CHAT: variants seen among roughly 807,000 people sequenced by gnomAD.
The protein encoded by CHAT is acetyl CoA:choline O-acetyltransferase.
CHAT carries 61 observed loss-of-function variants against 76.9 expected under a neutral mutation model. The ratio of observed to expected loss-of-function variants is 0.79; its 90% CI spans 0.65 to 0.98. The LOEUF is 0.98. CHAT is among the 50% of genes least tolerant of loss of function. The pLI is 0.00. For missense variants in CHAT, 946 were observed against 986.9 expected, an observed-to-expected ratio of 0.96 and a Z score of 0.56; for synonymous variants, 407 against 397.4, an observed-to-expected ratio of 1.02 and a Z score of -0.29.
At chr10:49,609,485 G>A (rs1838232718), upstream of CHAT, among the ~76,000 whole-genome samples, 1 of 152,020 alleles carries the variant, frequency 6.6e-6, no homozygotes, top group African/African-American at 2.4e-5. Flanking sequence ...GAGAGAAGAG[G>A]CGGAGCTGGG....
intron 7 of CHAT, among the ~76,000 whole-genome samples, chr10:49,645,851 C>T (rs1356975579): frequency 6.6e-6 from 1 of 152,188 alleles, no homozygotes; most frequent in Admixed American, 6.5e-5. Context: ...AGGCTTGGAG[C>T]TCCTTTGGAT....
intron 14 of CHAT, 85 bp downstream of exon 14, chr10:49,662,867 A>G: frequency 6.6e-7 from 1 of 1,525,820 alleles, no homozygotes; most frequent in Non-Finnish European, 9.1e-7. Context: ...ACTAGCTGGA[A>G]TCAGGCAAAT....
upstream of CHAT, among the ~76,000 whole-genome samples, chr10:49,609,360 G>A (rs1419120874): frequency 1.3e-5 from 2 of 152,286 alleles, no homozygotes; most frequent in East Asian, 3.9e-4. Flanking sequence ...GGAAAATGAG[G>A]GATGGGGGAG....
At chr10:49,623,348 G>A (rs1197500615) in intron 5 of CHAT, among the ~76,000 whole-genome samples, 1 of 152,134 alleles carries the variant, frequency 6.6e-6, no homozygotes, top group Non-Finnish European at 1.5e-5. Flanking sequence ...GAATACCCAT[G>A]CATATCCACG....
rs114172912 is a variant in CHAT at position 49,643,098 on chromosome 10, G to A, written c.1112-3407G>A. On this transcript the variant is annotated intron_variant, in intron 7 of 14. Coordinates refer to ENST00000337653, the MANE Select transcript of CHAT (RefSeq NM_020549.5). Reference sequence around the variant, plus strand: ...AGAGAAACCTTGTAAATGGCCTAAGGTCAAGATATTTGGTTTCTCTGGTCC... The same window carrying A: ...AGAGAAACCTTGTAAATGGCCTAAGATCAAGATATTTGGTTTCTCTGGTCC... Among the ~76,000 whole-genome samples, 295 of 152,306 alleles carry A rather than the reference G, an allele frequency of 1.9e-3. 1 individual carries two copies. The highest frequency in any genetic ancestry group is 6.8e-3 in the African/African-American group (284 of 41,556).
chr10:49,638,236 T>G (rs1014671148), intron 7 of CHAT, among the ~76,000 whole-genome samples: 4 of 152,258 alleles, frequency 2.6e-5, no homozygotes, highest in Non-Finnish European at 2.9e-5. Context: ...GTACTTTACC[T>G]GACATTAAGA....
At chr10:49,652,064 G>T in intron 11 of CHAT, 58 bp downstream of exon 11, 1 of 1,612,364 alleles carries the variant, frequency 6.2e-7, no homozygotes, top group East Asian at 2.2e-5. Flanking sequence ...AGTGCTGTAG[G>T]ATCTAGGGTC....
rs111795945 is a variant in CHAT, at chr10:49,655,415, T to C, written c.1806T>C (p.Asp602=). 6.2e-7 allele frequency: 1 copy of C among 1,614,134 alleles called. No individual in the cohort carries two copies. ...PASEKLLLLK[D]AIRAQTAYTV... is the part of the protein sequence containing the mutation. ...CTGAGAAGCTTCTGCTCCTGAAGGA[T>C]GCCATCCGTGCCCAGACTGCATACA... Residue 602 remains aspartate (D), a synonymous_variant, in exon 13 of 15, where the codon GAT becomes GAC. Coordinates refer to ENST00000337653, the MANE Select transcript of CHAT (RefSeq NM_020549.5).
rs139349455 is a variant in CHAT at position 49,622,466 on chromosome 10, G to A, written c.752+316G>A. The stretch of plus-strand genomic sequence containing the variant: ...GAGAACACATAGGAAGGCGGGGAAG[G>A]AAGAGTTGTTAGAGTAAGGTGATGG... On this transcript the variant is annotated intron_variant, in intron 5 of 14. Coordinates refer to ENST00000337653, the MANE Select transcript of CHAT (RefSeq NM_020549.5). Among the ~76,000 whole-genome samples the A allele has an allele frequency of 3.9e-3, 596 of 152,364 alleles. 7 individuals carry two copies. Among genetic ancestry groups the A allele is most frequent in the Middle Eastern group, 0.027 (8 of 294 alleles).
chr10:49,655,329 T>C (rs2132831412), intron 12 of CHAT, 57 bp from the exon 13 acceptor site: 1 of 1,613,134 alleles, frequency 6.2e-7, no homozygotes, highest in South Asian at 1.1e-5. Context: ...GACCACCAGA[T>C]GCTTTGGCTC....
chr10:49,611,576 G>T (rs375210693), upstream of CHAT: 7 of 1,607,988 alleles, frequency 4.4e-6, no homozygotes, highest in East Asian at 1.6e-4. Flanking sequence ...CTGCCAGTGG[G>T]CACTCCCATC....
intron 1 of CHAT, 147 bp downstream of exon 1, chr10:49,614,622 G>A: frequency 4.1e-6 from 3 of 726,678 alleles, no homozygotes; most frequent in South Asian, 1.8e-5. Context: ...CGGCCGTCGG[G>A]GGTCAGCTAG....
At chr10:49,653,156 G>A (rs749034540) in intron 11 of CHAT, among the ~76,000 whole-genome samples, 1 of 152,042 alleles carries the variant, frequency 6.6e-6, no homozygotes, top group Non-Finnish European at 1.5e-5. Flanking sequence ...GCCAGAGACT[G>A]AATCACAGAC....
At chr10:49,615,108 G>A (rs1838437079) in intron 1 of CHAT, among the ~76,000 whole-genome samples, 1 of 147,464 alleles carries the variant, frequency 6.8e-6, no homozygotes, top group Non-Finnish European at 1.5e-5. Context: ...ACCCAGCTCT[G>A]CCTTCTTCAA....
At position 49,648,570 on chromosome 10, in the gene CHAT, G is replaced by A. The variant is rs757733319; in HGVS notation, c.1345G>A (p.Val449Ile). Reference protein sequence around the residue: ...VCEHSPFDGIVLVQCTEHLLK... With the variant: ...VCEHSPFDGIILVQCTEHLLK... ...CGAACACTCCCCATTCGATGGCATC[G>A]TCCTGGTGCAGTGCACTGAGCATCT... Residue 449 changes from valine (V) to isoleucine (I), a missense_variant, in exon 9 of 15, where the codon GTC becomes ATC. By Grantham distance (29) the Val-to-Ile change is conservative. Transcript: ENST00000337653. 72 of 1,613,828 alleles carry A rather than the reference G, an allele frequency of 4.5e-5. No homozygotes were observed. The highest frequency in any genetic ancestry group is 3.8e-4 in the East Asian group (17 of 44,890).
Position 49,634,452 on chromosome 10 carries a change from A to G in CHAT, c.1111+6667A>G, listed in dbSNP as rs534828362. Among the ~76,000 whole-genome samples, 58 of 152,324 alleles carry G rather than the reference A, an allele frequency of 3.8e-4. 1 individual carries two copies. The highest frequency in any genetic ancestry group is 1.3e-3 in the African/African-American group (56 of 41,568). On this transcript the variant is annotated intron_variant, in intron 7 of 14. Transcript: ENST00000337653. Reference sequence around the variant, plus strand: ...AAATCTGGTGAACTTGAACATGAGTACTGTCCTTGTGGTCAGAGGCAGGGG... The same window carrying G: ...AAATCTGGTGAACTTGAACATGAGTGCTGTCCTTGTGGTCAGAGGCAGGGG...
upstream of CHAT, chr10:49,611,062 G>T (rs770222638): frequency 6.2e-7 from 1 of 1,613,964 alleles, no homozygotes; most frequent in Non-Finnish European, 8.5e-7. Flanking sequence ...GTGGCCAGCG[G>T]GCTCAGCCCT....
At chr10:49,617,165 A>G (rs1413152695) in intron 2 of CHAT, among the ~76,000 whole-genome samples, 1 of 150,176 alleles carries the variant, frequency 6.7e-6, no homozygotes, top group Admixed American at 6.6e-5. Flanking sequence ...TCTTTTTGCC[A>G]CTCCTCTTCC....
intron 9 of CHAT, 99 bp downstream of exon 9, chr10:49,648,706 T>C: frequency 2.7e-6 from 2 of 742,290 alleles, no homozygotes; most frequent in Non-Finnish European, 2.3e-6. Context: ...AAAAGATGAA[T>C]TTGAAAAAAA....
Sources: gnomAD v4.1 joint callset for allele counts (sites outside exome capture counted in the v4.1 genomes callset) on GRCh38, gnomAD v4.1.1 for gene constraint, MANE v1.5 for transcripts, NCBI Gene and HGNC (gene_info 2026-07-23, HGNC 2026-07-21) for gene names.